Variants in CNTNAP5 observed in about 807,000 individuals in gnomAD.
The protein encoded by CNTNAP5 is contactin associated protein family member 5.
In CNTNAP5, 72 loss-of-function variants were observed where a neutral mutation model predicts 150.2. That is an observed-to-expected ratio of 0.48 (90% CI 0.40 to 0.58). CNTNAP5 has a LOEUF of 0.58. Ranked by LOEUF, CNTNAP5 falls within the 20% of genes least tolerant of loss-of-function variation. The pLI is 0.00. For missense variants in CNTNAP5, 1,636 were observed against 1,626.2 expected (o/e 1.01, Z -0.10); for synonymous variants, 672 against 619.8 (o/e 1.08, Z -1.25).
At chr2:124,310,436 C>T (rs1489648365) in intron 3 of CNTNAP5, among the ~76,000 whole-genome samples, 1 of 152,054 alleles carries the variant, frequency 6.6e-6, no homozygotes, top group Admixed American at 6.6e-5. Flanking sequence ...TCTCCACCTC[C>T]CTTCTGAAGG....
chr2:124,601,896 A>C (rs2104974346), intron 11 of CNTNAP5, among the ~76,000 whole-genome samples: 1 of 152,304 alleles, frequency 6.6e-6, no homozygotes, highest in African/African-American at 2.4e-5. Flanking sequence ...TTAGTGAAAA[A>C]GGCCAGTTTT....
rs751559205 is a variant in CNTNAP5 at position 124,513,347 on chromosome 2, G to A, written c.1327+8791G>A. Among the ~76,000 whole-genome samples the A allele has an allele frequency of 9.2e-5, 14 of 152,236 alleles. 1 individual carries two copies. The highest frequency in any genetic ancestry group is 6.2e-4 in the South Asian group (3 of 4,818). Reference sequence around the variant, plus strand: ...CCATAATTACCTTTTTAAAGATCCTGTCTCCAAATACAATTGTGTTTTTAG... The same window carrying A: ...CCATAATTACCTTTTTAAAGATCCTATCTCCAAATACAATTGTGTTTTTAG... On this transcript the variant is annotated intron_variant, in intron 8 of 23. Transcript: ENST00000682447.
At chr2:124,297,897 T>G (rs1466435467) in intron 3 of CNTNAP5, among the ~76,000 whole-genome samples, 4 of 151,026 alleles carry the variant, frequency 2.6e-5, no homozygotes, top group South Asian at 2.1e-4. Flanking sequence ...CAGGCTGGAG[T>G]GCAGTGGCGC....
intron 11 of CNTNAP5, among the ~76,000 whole-genome samples, chr2:124,588,743 C>T (rs1418307091): frequency 6.6e-6 from 1 of 152,116 alleles, no homozygotes; most frequent in African/African-American, 2.4e-5. Context: ...TATTTAGCAA[C>T]TGTTGCTACG....
chr2:124,685,897 G>GT (rs1304906597), intron 13 of CNTNAP5, among the ~76,000 whole-genome samples: 1 of 151,794 alleles, frequency 6.6e-6, no homozygotes, highest in African/African-American at 2.4e-5. Flanking sequence ...TTTTTTTGCT[G>GT]TTTTTTCCCT....
chr2:124,168,011 G>A (rs1347926143), intron 1 of CNTNAP5, among the ~76,000 whole-genome samples: 1 of 152,110 alleles, frequency 6.6e-6, no homozygotes, highest in Non-Finnish European at 1.5e-5. Flanking sequence ...TATGACCCAG[G>A]ATAAGTCAGT....
chr2:124,757,761 C>A (rs1680871783), intron 14 of CNTNAP5, among the ~76,000 whole-genome samples: 1 of 152,152 alleles, frequency 6.6e-6, no homozygotes, highest in Non-Finnish European at 1.5e-5. Flanking sequence ...ATAAGTTGCT[C>A]ATCTGAGTCC....
chr2:124,040,581 TTC>T (rs148839343), intron 1 of CNTNAP5, among the ~76,000 whole-genome samples: 10,258 of 150,720 alleles, frequency 0.068, 423 homozygotes, highest in East Asian at 0.18. Flanking sequence ...ATATGTTCAA[TTC>T]TGTGTGCCTG....
At chr2:124,375,621 A>G (rs754187222) in intron 3 of CNTNAP5, among the ~76,000 whole-genome samples, 2 of 152,094 alleles carry the variant, frequency 1.3e-5, no homozygotes, top group Non-Finnish European at 2.9e-5. Context: ...AATGAAAATA[A>G]AGATTGTAGT....
intron 3 of CNTNAP5, among the ~76,000 whole-genome samples, chr2:124,262,464 A>C (rs1687483398): frequency 6.6e-6 from 1 of 152,178 alleles, no homozygotes; most frequent in African/African-American, 2.4e-5. Flanking sequence ...CTATTGCTTA[A>C]GAAATACCAG....
At chr2:124,706,901 A>AAGG (rs1254120338) in intron 13 of CNTNAP5, among the ~76,000 whole-genome samples, 2 of 7,926 alleles carry the variant, frequency 2.5e-4, no homozygotes, top group Non-Finnish European at 4.5e-4. Flanking sequence ...GAGGAAGAAG[A>AAGG]AGGAGGAGGA....
chr2:124,802,125 G>A (rs1573626823), intron 19 of CNTNAP5, among the ~76,000 whole-genome samples: 1 of 152,164 alleles, frequency 6.6e-6, no homozygotes, highest in Admixed American at 6.5e-5. Context: ...CCTCCAGGTT[G>A]TGCACAATGG....
chr2:124,762,979 A>G (rs915952385), intron 14 of CNTNAP5, among the ~76,000 whole-genome samples: 2 of 152,142 alleles, frequency 1.3e-5, no homozygotes, highest in African/African-American at 2.4e-5. Context: ...CTTCTCAGCC[A>G]AATGATGTGG....
chr2:124,510,301 C>CTATATATATATATCTA lies in CNTNAP5; in HGVS notation c.1327+5756_1327+5757insATCTATATATATATAT, dbSNP rs368230554. The stretch of plus-strand genomic sequence containing the variant: ...TATCTATATCTATATATCTATATAT[C>CTATATATATATATCTA]TATATATATATCTATATATCTATCT... On this transcript the variant is annotated intron_variant, in intron 8 of 23. Coordinates refer to ENST00000682447, the MANE Select transcript of CNTNAP5 (RefSeq NM_001367498.1). Among the ~76,000 whole-genome samples, 96 of 105,980 alleles carry CTATATATATATATCTA rather than the reference C, an allele frequency of 9.1e-4. 4 individuals are homozygous for CTATATATATATATCTA. Among genetic ancestry groups the CTATATATATATATCTA allele is most frequent in the East Asian group, 5.3e-3 (21 of 3,968 alleles). 69.5% of individuals were successfully genotyped at this position (105,980 alleles called of 152,430 possible). A position where few individuals can be genotyped will look rare whatever the true frequency, so the allele number is the denominator to read the frequency against.
chr2:124,816,170 G>A (rs373436338), intron 19 of CNTNAP5, among the ~76,000 whole-genome samples: 2 of 152,150 alleles, frequency 1.3e-5, no homozygotes, highest in African/African-American at 4.8e-5. Flanking sequence ...CAAATGTGCT[G>A]GATTAGAAGA....
chr2:124,045,492 C>T (rs1573714643), intron 1 of CNTNAP5, among the ~76,000 whole-genome samples: 1 of 151,612 alleles, frequency 6.6e-6, no homozygotes, highest in South Asian at 2.1e-4. Context: ...GAGATGGGGA[C>T]TCACCATGTT....
intron 1 of CNTNAP5, among the ~76,000 whole-genome samples, chr2:124,078,627 C>T (rs1682491533): frequency 6.6e-6 from 1 of 152,200 alleles, no homozygotes; most frequent in Non-Finnish European, 1.5e-5. Context: ...AGCTCTGATG[C>T]AATATGCATC....
chr2:124,899,212 T>C (rs1055044141), intron 21 of CNTNAP5, among the ~76,000 whole-genome samples: 4 of 151,560 alleles, frequency 2.6e-5, no homozygotes, highest in Non-Finnish European at 5.9e-5. Context: ...TATTGAGCTA[T>C]AAATTTGATT....
chr2:124,499,929 T>G (rs1694238389), intron 7 of CNTNAP5, among the ~76,000 whole-genome samples: 1 of 152,120 alleles, frequency 6.6e-6, no homozygotes, highest in Admixed American at 6.6e-5. Context: ...GGAAGTCTCA[T>G]GATCTGCAGA....
Sources: allele counts gnomAD v4.1 joint callset (sites outside exome capture counted in the v4.1 genomes callset), GRCh38; gene constraint gnomAD v4.1.1; transcripts MANE v1.5; gene names NCBI Gene and HGNC (gene_info 2026-07-23, HGNC 2026-07-21).